Variants in SNX30 observed in about 807,000 individuals in gnomAD.
SNX30 encodes sorting nexin-30.
A neutral mutation model predicts 46.4 loss-of-function variants in SNX30; 24 were observed. The observed-to-expected ratio is 0.52, with a 90% CI of 0.37 to 0.73. The LOEUF (loss-of-function observed/expected upper bound fraction) is 0.73, where lower values mean the gene tolerates loss of function less well. SNX30 is among the 30% of genes least tolerant of loss of function. The pLI is 0.00. For missense variants in SNX30, 533 were observed against 555.7 expected (o/e 0.96, Z 0.41); for synonymous variants, 189 against 211.5 (o/e 0.89, Z 0.92).
At chr9:112,821,343 C>G (rs76364896) in intron 3 of SNX30, among the ~76,000 whole-genome samples, 4,699 of 152,032 alleles carry the variant, frequency 0.031, 241 homozygotes, top group African/African-American at 0.1. Context: ...ATCCATTGCC[C>G]ATTTAAAAAT....
downstream of SNX30, among the ~76,000 whole-genome samples, chr9:112,884,348 C>T (rs1333378199): frequency 6.6e-6 from 1 of 152,212 alleles, no homozygotes; most frequent in East Asian, 1.9e-4. Flanking sequence ...AGCTTTTCTT[C>T]CTGTGGTTCG....
intron 6 of SNX30, among the ~76,000 whole-genome samples, chr9:112,844,116 G>T (rs1251016236): frequency 3.3e-5 from 5 of 152,168 alleles, no homozygotes; most frequent in African/African-American, 1.2e-4. Context: ...GGTGGAGCCT[G>T]GACTGCAGTG....
chr9:112,813,408 G>A (rs1262755480), intron 2 of SNX30, among the ~76,000 whole-genome samples: 2 of 151,772 alleles, frequency 1.3e-5, no homozygotes, highest in Non-Finnish European at 2.9e-5. Context: ...GAGCCCAGGA[G>A]TTTGAGGCTA....
Position 112,750,851 on chromosome 9 carries a change from A to G in SNX30, c.-151A>G, listed in dbSNP as rs1273247547. ...GAGCGTCTGAGCGCCGGCAGAGACC[A>G]GCCGGCGGGTGGCGGCGGCCCCCAG... On this transcript the variant is annotated 5_prime_UTR_variant, in exon 1 of 9. Transcript: ENST00000374232. The G allele has an allele frequency of 3.3e-6, 2 of 603,186 alleles. No individual in the cohort carries two copies. Among genetic ancestry groups the G allele is most frequent in the Non-Finnish European group, 4.2e-6 (2 of 473,652 alleles). The allele number at this position is 603,186 out of a possible 1,614,324, so 37.4% of individuals were successfully genotyped here.
At chr9:112,766,939 G>C (rs1302132988) in intron 1 of SNX30, among the ~76,000 whole-genome samples, 2 of 152,094 alleles carry the variant, frequency 1.3e-5, no homozygotes, top group Non-Finnish European at 2.9e-5. Context: ...ATATCTCTTT[G>C]AGACCTTCTT....
In SNX30 at chr9:112,812,085, A is replaced by G. The variant is rs951147932; in HGVS notation, c.349-5620A>G. Among the ~76,000 whole-genome samples, 6 of 152,252 alleles carry G rather than the reference A, an allele frequency of 3.9e-5. No homozygotes were observed. In the East Asian group the frequency reaches 1.2e-3, roughly 29 times the overall value. ...ATTGTGAGTGTGTTTTGCTAGCCTC[A>G]TTCCTGGCTCTACTTTTTCCCTCTG... On this transcript the variant is annotated intron_variant, in intron 2 of 8. Coordinates refer to ENST00000374232, the MANE Select transcript of SNX30 (RefSeq NM_001012994.2).
At chr9:112,750,651 C>A (rs550905820), upstream of SNX30, among the ~76,000 whole-genome samples, 1 of 151,828 alleles carries the variant, frequency 6.6e-6, no homozygotes, top group East Asian at 1.9e-4. Context: ...TCCGTCCTTC[C>A]TTCCCCACGT....
At chr9:112,844,775 A>G (rs1840912487) in intron 6 of SNX30, among the ~76,000 whole-genome samples, 1 of 152,244 alleles carries the variant, frequency 6.6e-6, no homozygotes, top group African/African-American at 2.4e-5. Flanking sequence ...TAACTTCTAC[A>G]ACATTCCGGG....
At chr9:112,832,487 T>TGAGA (rs1417839811) in intron 4 of SNX30, among the ~76,000 whole-genome samples, 18 of 132,592 alleles carry the variant, frequency 1.4e-4, no homozygotes, top group Middle Eastern at 3.8e-3. Context: ...TGTGTGTGTG[T>TGAGA]GTGTGTGTGA....
chr9:112,807,880 A>T (rs1237526128), intron 2 of SNX30, among the ~76,000 whole-genome samples: 2 of 152,170 alleles, frequency 1.3e-5, no homozygotes, highest in African/African-American at 2.4e-5. Flanking sequence ...GATTTCCTAT[A>T]AGTCATTAAA....
intron 4 of SNX30, among the ~76,000 whole-genome samples, chr9:112,831,829 G>A (rs920900280): frequency 2.0e-5 from 3 of 152,182 alleles, no homozygotes; most frequent in Admixed American, 6.5e-5. Context: ...GAGGTGCTGT[G>A]CTCTCGCTGT....
chr9:112,804,058 C>G lies in SNX30; in HGVS notation c.157-718C>G, dbSNP rs1281427985. Among the ~76,000 whole-genome samples the G allele has an allele frequency of 5.2e-3, 780 of 148,780 alleles. 6 individuals are homozygous for G. The highest frequency in any genetic ancestry group is 0.018 in the African/African-American group (741 of 40,452). On this transcript the variant is annotated intron_variant, in intron 1 of 8. Coordinates refer to ENST00000374232, the MANE Select transcript of SNX30 (RefSeq NM_001012994.2). ...GTCTGGCACTCCCTAGTGAGATGAA[C>G]CCGGTACCTCAGATGGAAATGCAGA...
At chr9:112,771,851 T>G (rs1375310887) in intron 1 of SNX30, among the ~76,000 whole-genome samples, 1 of 152,200 alleles carries the variant, frequency 6.6e-6, no homozygotes, top group East Asian at 1.9e-4. Context: ...TTTCTGGTAG[T>G]TTTTCAAATC....
chr9:112,836,503 T>C (rs941634995), intron 5 of SNX30, 94 bp downstream of exon 5: 5 of 1,361,940 alleles, frequency 3.7e-6, no homozygotes, highest in Middle Eastern at 1.9e-4. Context: ...TGCAAAATGC[T>C]GGAGTGACAG....
intron 1 of SNX30, among the ~76,000 whole-genome samples, chr9:112,771,926 A>G (rs570537062): frequency 2.8e-4 from 42 of 152,168 alleles, no homozygotes; most frequent in Non-Finnish European, 5.3e-4. Context: ...TCTGTGGTCA[A>G]TTTTGTGAAC....
chr9:112,869,757 A>G lies in SNX30; in HGVS notation c.*914A>G, dbSNP rs1841416947. 6.6e-6 allele frequency: 1 copy of G among 152,064 alleles called. No homozygotes were observed. Among genetic ancestry groups the G allele is most frequent in the Admixed American group, 6.5e-5 (1 of 15,272 alleles). The allele number at this position is 152,064 out of a possible 1,614,324, so 9.4% of individuals were successfully genotyped here. A position where few individuals can be genotyped will look rare whatever the true frequency, so the allele number is the denominator to read the frequency against. Reference sequence around the variant, plus strand: ...TGTTGAGATCAGTGGGCATATACCAAGCTCCACCCCCAGTGTCAGCTTTGT... The same window carrying G: ...TGTTGAGATCAGTGGGCATATACCAGGCTCCACCCCCAGTGTCAGCTTTGT... On this transcript the variant is annotated 3_prime_UTR_variant, in exon 9 of 9. Coordinates refer to ENST00000374232, the MANE Select transcript of SNX30 (RefSeq NM_001012994.2).
At chr9:112,796,753 AC>A (rs1840114563) in intron 1 of SNX30, among the ~76,000 whole-genome samples, 1 of 151,860 alleles carries the variant, frequency 6.6e-6, no homozygotes, top group African/African-American at 2.4e-5. Flanking sequence ...ACTTTCCATT[AC>A]CCCCCAAGTT....
intron 1 of SNX30, among the ~76,000 whole-genome samples, chr9:112,777,992 C>G (rs1234603225): frequency 6.6e-6 from 1 of 151,922 alleles, no homozygotes; most frequent in Non-Finnish European, 1.5e-5. Context: ...GTTTTTTGCT[C>G]TAGGTGTCTC....
intron 8 of SNX30, among the ~76,000 whole-genome samples, chr9:112,865,698 CACAT>C (rs1437576197): frequency 1.4e-5 from 2 of 138,532 alleles, no homozygotes; most frequent in Admixed American, 1.5e-4. Context: ...CACGTATACA[CACAT>C]ATATATACAC....
Sources: allele counts gnomAD v4.1 joint callset (sites outside exome capture counted in the v4.1 genomes callset), GRCh38; gene constraint gnomAD v4.1.1; transcripts MANE v1.5; gene names NCBI Gene and HGNC (gene_info 2026-07-23, HGNC 2026-07-21).